Variants in FGF10 observed in about 807,000 individuals in gnomAD.
FGF10 encodes the protein fibroblast growth factor 10.
A neutral mutation model predicts 19.8 loss-of-function variants in FGF10; 2 were observed. The ratio of observed to expected loss-of-function variants is 0.10; its 90% CI spans 0.04 to 0.32. The LOEUF is 0.32. Ranked by LOEUF, FGF10 falls within the 10% of genes least tolerant of loss-of-function variation. The pLI, the probability that FGF10 is intolerant of heterozygous loss-of-function variation, is 1.00. For missense variants in FGF10, 191 were observed against 246.3 expected, an observed-to-expected ratio of 0.78 and a Z score of 1.50; for synonymous variants, 112 against 94.0, an observed-to-expected ratio of 1.19 and a Z score of -1.10.
chr5:44,351,472 G>T (rs1485164429), intron 1 of FGF10, among the ~76,000 whole-genome samples: 1 of 151,496 alleles, frequency 6.6e-6, no homozygotes, highest in Non-Finnish European at 1.5e-5. Flanking sequence ...GTTTTCCAAA[G>T]ATTTAAAAAT....
At position 44,320,022 on chromosome 5, in the gene FGF10, T is replaced by C. The variant is rs145170930; in HGVS notation, c.326-9492A>G. On this transcript the variant is annotated intron_variant, in intron 1 of 2. Transcript: ENST00000264664. Reference sequence around the variant, plus strand: ...GCCTCCCATCAGATCAGCAGCAGCATTAGATTCTCATAGGAGCTCGAACAC... The same window carrying C: ...GCCTCCCATCAGATCAGCAGCAGCACTAGATTCTCATAGGAGCTCGAACAC... Among the ~76,000 whole-genome samples, 28 of 152,254 alleles carry C rather than the reference T, an allele frequency of 1.8e-4. No homozygotes were observed. The East Asian group carries it at 5.2e-3, about 28-fold the overall frequency.
intron 1 of FGF10, among the ~76,000 whole-genome samples, chr5:44,352,152 G>A (rs1244465092): frequency 6.6e-6 from 1 of 151,546 alleles, no homozygotes; most frequent in Non-Finnish European, 1.5e-5. Context: ...TCAGCACTGG[G>A]CACAACATTG....
intron 1 of FGF10, among the ~76,000 whole-genome samples, chr5:44,353,695 T>C (rs149605879): frequency 6.6e-6 from 1 of 151,544 alleles, no homozygotes; most frequent in Admixed American, 6.6e-5. Flanking sequence ...GTAAGGAAAG[T>C]GGTAGAAGTT....
chr5:44,325,373 T>A (rs914765110), intron 1 of FGF10, among the ~76,000 whole-genome samples: 8 of 151,916 alleles, frequency 5.3e-5, no homozygotes, highest in Admixed American at 5.3e-4. Flanking sequence ...GACCTAGCCA[T>A]CCCATTACTG....
intron 1 of FGF10, among the ~76,000 whole-genome samples, chr5:44,367,297 G>T (rs973521173): frequency 3.9e-5 from 6 of 151,938 alleles, no homozygotes; most frequent in Non-Finnish European, 8.8e-5. Context: ...GTAAACATTT[G>T]TAGATGGCAA....
At chr5:44,340,473 A>G (rs1271964679) in intron 1 of FGF10, among the ~76,000 whole-genome samples, 1 of 152,152 alleles carries the variant, frequency 6.6e-6, no homozygotes, top group Non-Finnish European at 1.5e-5. Flanking sequence ...TTGAAAGTTC[A>G]ATGACATTAT....
At chr5:44,329,749 T>A (rs1740689261) in intron 1 of FGF10, among the ~76,000 whole-genome samples, 1 of 152,162 alleles carries the variant, frequency 6.6e-6, no homozygotes, top group Non-Finnish European at 1.5e-5. Context: ...CTGTTTTAGG[T>A]GGCAAAATCT....
chr5:44,308,103 G>C (rs974365819), intron 2 of FGF10, among the ~76,000 whole-genome samples: 1 of 152,152 alleles, frequency 6.6e-6, no homozygotes, highest in African/African-American at 2.4e-5. Flanking sequence ...AGAAATCTCA[G>C]ATAAGTGCCA....
chr5:44,367,196 G>A (rs909900620), intron 1 of FGF10, among the ~76,000 whole-genome samples: 1 of 151,864 alleles, frequency 6.6e-6, no homozygotes, highest in African/African-American at 2.4e-5. Context: ...AGTAACTACT[G>A]AAAAAAATCC....
At chr5:44,343,013 T>C (rs964761172) in intron 1 of FGF10, among the ~76,000 whole-genome samples, 4 of 151,814 alleles carry the variant, frequency 2.6e-5, no homozygotes, top group Non-Finnish European at 4.4e-5. Flanking sequence ...TTTCCAGAGA[T>C]GGGTGCAGAT....
At chr5:44,338,509 C>T (rs537422219) in intron 1 of FGF10, among the ~76,000 whole-genome samples, 3 of 152,236 alleles carry the variant, frequency 2.0e-5, no homozygotes, top group African/African-American at 7.2e-5. Flanking sequence ...TTGAAAGATG[C>T]GGCACAGATA....
chr5:44,347,076 A>G (rs763765445), intron 1 of FGF10, among the ~76,000 whole-genome samples: 6 of 151,824 alleles, frequency 4.0e-5, no homozygotes, highest in Admixed American at 6.6e-5. Context: ...TCATATAATC[A>G]GTACCTAGAG....
chr5:44,320,734 T>C (rs183870279), intron 1 of FGF10, among the ~76,000 whole-genome samples: 232 of 151,738 alleles, frequency 1.5e-3, no homozygotes, highest in Non-Finnish European at 2.4e-3. Context: ...TTTTCTCTAC[T>C]TTTTTTTTCT....
chr5:44,309,305 G>A (rs546624594), intron 2 of FGF10, among the ~76,000 whole-genome samples: 8 of 152,088 alleles, frequency 5.3e-5, no homozygotes, highest in African/African-American at 1.9e-4. Flanking sequence ...CCCTTGATCT[G>A]TCTCTGGGAG....
chr5:44,373,311 T>C (rs1039985011), intron 1 of FGF10, among the ~76,000 whole-genome samples: 3 of 152,180 alleles, frequency 2.0e-5, no homozygotes, highest in Non-Finnish European at 4.4e-5. Flanking sequence ...AGCCTTCTCT[T>C]CAGAGCATGC....
chr5:44,360,761 G>T (rs1200712831), intron 1 of FGF10, among the ~76,000 whole-genome samples: 14 of 151,624 alleles, frequency 9.2e-5, no homozygotes, highest in African/African-American at 2.2e-4. Flanking sequence ...ATTAATATTT[G>T]CAAGGCATGA....
At chr5:44,386,226 G>A (rs1161897409) in intron 1 of FGF10, among the ~76,000 whole-genome samples, 2 of 152,024 alleles carry the variant, frequency 1.3e-5, no homozygotes, top group East Asian at 1.9e-4. Flanking sequence ...CTAATCACAC[G>A]TGATTATTAT....
At chr5:44,366,223 C>T (rs922332751) in intron 1 of FGF10, among the ~76,000 whole-genome samples, 2 of 134,110 alleles carry the variant, frequency 1.5e-5, no homozygotes, top group Admixed American at 8.4e-5. Flanking sequence ...GTTATATATA[C>T]ATCTGGTCCC....
chr5:44,376,064 T>C (rs1243528714), intron 1 of FGF10, among the ~76,000 whole-genome samples: 2 of 152,108 alleles, frequency 1.3e-5, no homozygotes, highest in African/African-American at 4.8e-5. Context: ...CAAGCAGTCA[T>C]GGCATAAAAG....
Sources: gnomAD v4.1 joint callset for allele counts (sites outside exome capture counted in the v4.1 genomes callset) on GRCh38, gnomAD v4.1.1 for gene constraint, MANE v1.5 for transcripts, NCBI Gene and HGNC (gene_info 2026-07-23, HGNC 2026-07-21) for gene names.